SHISA9: variants seen among roughly 807,000 people sequenced by gnomAD.
SHISA9 encodes protein shisa-9.
SHISA9 carries 13 observed loss-of-function variants against 38.0 expected under a neutral mutation model. That is an observed-to-expected ratio of 0.34 (90% CI 0.22 to 0.54). The LOEUF is 0.54. SHISA9 is among the 20% of genes least tolerant of loss of function. The probability of loss-of-function intolerance (pLI) is 0.91; values close to 1 mark genes in which losing one functional copy is unlikely to be tolerated. For synonymous variants in SHISA9, 275 were observed against 242.0 expected, an observed-to-expected ratio of 1.14 and a Z score of -1.27; for missense variants, 538 against 575.8, an observed-to-expected ratio of 0.93 and a Z score of 0.67.
the SHISA9 span, among the ~76,000 whole-genome samples, chr16:13,258,100 C>T: frequency 6.6e-6 from 1 of 152,146 alleles, no homozygotes; most frequent in Middle Eastern, 3.2e-3. Flanking sequence ...TTCTTGACAC[C>T]ATTTAGCCAT....
the SHISA9 span, among the ~76,000 whole-genome samples, chr16:13,291,059 C>G: frequency 8.5e-5 from 13 of 152,064 alleles, no homozygotes; most frequent in African/African-American, 3.1e-4. Context: ...GCCTCTGGCA[C>G]CAACTTGCTA....
the SHISA9 span, among the ~76,000 whole-genome samples, chr16:13,402,624 G>T: frequency 2.0e-5 from 3 of 149,420 alleles, no homozygotes; most frequent in Non-Finnish European, 4.4e-5. Context: ...CAATTCTCCT[G>T]CCTCAGCCTC....
At chr16:12,912,355 G>A (rs577044444) in intron 1 of SHISA9, among the ~76,000 whole-genome samples, 1 of 152,240 alleles carries the variant, frequency 6.6e-6, no homozygotes, top group East Asian at 1.9e-4. Context: ...GGGGATCTGC[G>A]GATGGCAGAA....
intron 2 of SHISA9, among the ~76,000 whole-genome samples, chr16:13,014,667 T>A (rs1455470258): frequency 6.6e-6 from 1 of 152,230 alleles, no homozygotes; most frequent in Non-Finnish European, 1.5e-5. Context: ...TGGTGCTGTC[T>A]GTTACAGCAG....
At chr16:13,435,504 C>T in the SHISA9 span, among the ~76,000 whole-genome samples, 1 of 152,208 alleles carries the variant, frequency 6.6e-6, no homozygotes, top group African/African-American at 2.4e-5. Context: ...TATAACTTTA[C>T]ATTCTTTGGA....
At position 13,161,509 on chromosome 16, in the gene SHISA9, ACCCTGGCTGTC is replaced by A. The variant is rs558062946; in HGVS notation, c.692-41881_692-41871del. ...GACTTTGGGCATTTTTCTCATCTAA[ACCCTGGCTGTC>A]CCCCTACAGCTAAAATGCCAAGTCT... On this transcript the variant is annotated intron_variant, in intron 2 of 4. Coordinates refer to ENST00000558583, the MANE Select transcript of SHISA9 (RefSeq NM_001145204.3). Among the ~76,000 whole-genome samples, 6 of 152,020 alleles carry A rather than the reference ACCCTGGCTGTC, an allele frequency of 3.9e-5. 1 individual carries two copies. The South Asian group carries it at 1.2e-3, about 32-fold the overall frequency.
intron 2 of SHISA9, among the ~76,000 whole-genome samples, chr16:13,029,769 T>A (rs2072969243): frequency 6.6e-6 from 1 of 152,234 alleles, no homozygotes; most frequent in Non-Finnish European, 1.5e-5. Flanking sequence ...CCCATCTCTC[T>A]TGTCGACCTC....
rs1218003531 is a variant in SHISA9 at position 13,019,923 on chromosome 16, CTTT to C, written c.691+103109_691+103111del. Among the ~76,000 whole-genome samples the C allele has an allele frequency of 5.6e-3, 497 of 89,212 alleles. 4 individuals carry two copies. The highest frequency in any genetic ancestry group is 8.7e-3 in the Non-Finnish European group (374 of 43,046). 58.5% of individuals were successfully genotyped at this position (89,212 alleles called of 152,430 possible). Reference sequence around the variant, plus strand: ...TCTTTCTTTCTTTCTTTCTTTCTTTCTTTCTTTCTTTCTTTCTTTCTTTCTTTC... The same window carrying C: ...TCTTTCTTTCTTTCTTTCTTTCTTTCCTTTCTTTCTTTCTTTCTTTCTTTC... On this transcript the variant is annotated intron_variant, in intron 2 of 4. Coordinates refer to ENST00000558583, the MANE Select transcript of SHISA9 (RefSeq NM_001145204.3).
chr16:13,125,808 A>G (rs1178805438), intron 2 of SHISA9, among the ~76,000 whole-genome samples: 1 of 152,232 alleles, frequency 6.6e-6, no homozygotes, highest in Non-Finnish European at 1.5e-5. Flanking sequence ...AGAACATCAC[A>G]AGTGCTCAAG....
At chr16:13,023,322 A>T (rs1306635206) in intron 2 of SHISA9, among the ~76,000 whole-genome samples, 2 of 152,150 alleles carry the variant, frequency 1.3e-5, no homozygotes, top group Non-Finnish European at 2.9e-5. Context: ...TTCCAGCTTC[A>T]TCCATGTCCC....
chr16:12,917,065 G>T (rs1343426262), intron 2 of SHISA9, among the ~76,000 whole-genome samples: 1 of 152,164 alleles, frequency 6.6e-6, no homozygotes, highest in Admixed American at 6.5e-5. Flanking sequence ...CAGACTGCTC[G>T]ACTGGTTCAT....
the SHISA9 span, among the ~76,000 whole-genome samples, chr16:13,544,339 C>T: frequency 6.8e-6 from 1 of 147,888 alleles, no homozygotes; most frequent in Admixed American, 6.8e-5. Flanking sequence ...ATTCATGGTA[C>T]AACCAGAATT....
chr16:13,508,588 C>A, the SHISA9 span, among the ~76,000 whole-genome samples: 1 of 152,114 alleles, frequency 6.6e-6, no homozygotes, highest in African/African-American at 2.4e-5. Context: ...GTTACTTAAA[C>A]ACATGTCAGA....
chr16:13,432,342 A>G, the SHISA9 span, among the ~76,000 whole-genome samples: 2 of 152,202 alleles, frequency 1.3e-5, no homozygotes, highest in Non-Finnish European at 2.9e-5. Flanking sequence ...TAAATAAATA[A>G]AAGTTGCAAA....
chr16:12,999,626 C>A (rs9934941), intron 2 of SHISA9, among the ~76,000 whole-genome samples: 1 of 152,234 alleles, frequency 6.6e-6, no homozygotes, highest in South Asian at 2.1e-4. Flanking sequence ...CCTACCTTGA[C>A]CTAGCAGGTT....
chr16:12,993,634 C>T (rs2072418528), intron 2 of SHISA9, among the ~76,000 whole-genome samples: 1 of 152,134 alleles, frequency 6.6e-6, no homozygotes, highest in Non-Finnish European at 1.5e-5. Flanking sequence ...TAGATTCAGC[C>T]CCTGCCTGCA....
At chr16:12,918,120 G>A (rs978169657) in intron 2 of SHISA9, among the ~76,000 whole-genome samples, 19 of 152,076 alleles carry the variant, frequency 1.2e-4, no homozygotes, top group Non-Finnish European at 2.1e-4. Context: ...TCACAAAAGG[G>A]TATGAGAAAT....
chr16:13,257,952 A>C, the SHISA9 span, among the ~76,000 whole-genome samples: 1 of 152,218 alleles, frequency 6.6e-6, no homozygotes, highest in Non-Finnish European at 1.5e-5. Flanking sequence ...CTAAATAAAA[A>C]CATCATGACC....
the SHISA9 span, among the ~76,000 whole-genome samples, chr16:13,420,291 G>A: frequency 2.1e-5 from 3 of 141,970 alleles, no homozygotes; most frequent in Non-Finnish European, 4.5e-5. Context: ...TGCTCAGCAG[G>A]CGTTTACTGT....
Sources: allele counts gnomAD v4.1 joint callset (sites outside exome capture counted in the v4.1 genomes callset), GRCh38; gene constraint gnomAD v4.1.1; transcripts MANE v1.5; gene names NCBI Gene and HGNC (gene_info 2026-07-23, HGNC 2026-07-21).